CHIC1: variants seen among roughly 807,000 people sequenced by gnomAD.
CHIC1 encodes the protein cysteine rich hydrophobic domain 1, also known as cysteine-rich hydrophobic domain-containing protein 1.
CHIC1 carries 7 observed loss-of-function variants against 18.5 expected under a neutral mutation model. That is an observed-to-expected ratio of 0.38 (90% CI 0.22 to 0.71). The LOEUF is 0.71. Among genes scored for constraint, CHIC1 ranks in the 30% least tolerant of loss-of-function variants. The probability of loss-of-function intolerance (pLI) is 0.49; values close to 1 mark genes in which losing one functional copy is unlikely to be tolerated. For missense variants in CHIC1, 159 were observed against 176.9 expected, an observed-to-expected ratio of 0.90 and a Z score of 0.57; for synonymous variants, 77 against 73.5, an observed-to-expected ratio of 1.05 and a Z score of -0.25.
intron 3 of CHIC1, among the ~76,000 whole-genome samples, chrX:73,595,315 C>T (rs533282217): frequency 3.6e-5 from 4 of 110,753 alleles, no homozygotes; most frequent in Non-Finnish European, 7.6e-5. Flanking sequence ...TAATGCTATC[C>T]TTCCCCTTTA....
intron 3 of CHIC1, among the ~76,000 whole-genome samples, chrX:73,654,828 C>A (rs2057934260): frequency 8.9e-6 from 1 of 111,955 alleles, no homozygotes; most frequent in South Asian, 3.7e-4. Flanking sequence ...ATAACAGTCT[C>A]TAGTGATTCT....
intron 3 of CHIC1, among the ~76,000 whole-genome samples, chrX:73,677,456 G>T (rs1163443078): frequency 9.0e-6 from 1 of 111,622 alleles, no homozygotes; most frequent in African/African-American, 3.3e-5. Context: ...CCCTCCCCCA[G>T]CCTCACTGCC....
At chrX:73,628,440 G>A (rs1284024176) in intron 3 of CHIC1, among the ~76,000 whole-genome samples, 1 of 112,078 alleles carries the variant, frequency 8.9e-6, no homozygotes, top group East Asian at 2.8e-4. Flanking sequence ...TTGTGGCAAG[G>A]TTTGTAGAAA....
chrX:73,603,685 T>A (rs1185870013), intron 3 of CHIC1, among the ~76,000 whole-genome samples: 3 of 108,577 alleles, frequency 2.8e-5, no homozygotes, highest in African/African-American at 1.1e-4. Context: ...ATTAATACCT[T>A]GTTTATGGAG....
rs1420275039 is a variant in CHIC1 at position 73,682,159 on chromosome X, T to A, written c.*1154T>A. On this transcript the variant is annotated 3_prime_UTR_variant, in exon 6 of 6. Transcript: ENST00000373502. ...CAGCTGATTCATAATTGAAAAAAAA[T>A]TCTCAATTCTGTTTTTGATGATCCT... 1.8e-5 allele frequency: 2 copies of A among 111,376 alleles called. No individual in the cohort carries two copies. The highest frequency in any genetic ancestry group is 3.2e-5 in the African/African-American group (1 of 30,802). 9.2% of individuals were successfully genotyped at this position (111,376 alleles called of 1,213,427 possible).
At chrX:73,613,516 C>T (rs2057718694) in intron 3 of CHIC1, among the ~76,000 whole-genome samples, 1 of 111,666 alleles carries the variant, frequency 9.0e-6, no homozygotes, top group Non-Finnish European at 1.9e-5. Context: ...GTGGAAGCAA[C>T]CAGAAGCCCT....
intron 3 of CHIC1, among the ~76,000 whole-genome samples, chrX:73,617,506 G>A (rs763434088): frequency 2.2e-4 from 24 of 111,523 alleles, no homozygotes; most frequent in African/African-American, 5.2e-4. Flanking sequence ...CCCATGTTGC[G>A]AATAAAGACA....
At chrX:73,642,445 A>G in intron 3 of CHIC1, among the ~76,000 whole-genome samples, 1 of 109,716 alleles carries the variant, frequency 9.1e-6, no homozygotes, top group East Asian at 2.9e-4. Context: ...GTAGGTTGCG[A>G]AAATTTTCTC....
chrX:73,575,842 C>A (rs1472769031), intron 1 of CHIC1, among the ~76,000 whole-genome samples: 2 of 110,318 alleles, frequency 1.8e-5, no homozygotes, highest in African/African-American at 6.5e-5. Flanking sequence ...CTTACTGTAA[C>A]TTTTTAATTT....
intron 3 of CHIC1, among the ~76,000 whole-genome samples, chrX:73,655,201 G>A (rs2057935860): frequency 9.2e-6 from 1 of 108,804 alleles, no homozygotes; most frequent in African/African-American, 3.4e-5. Flanking sequence ...ATGGCCTCGA[G>A]CTCCATTCAT....
Position 73,681,208 on chromosome X carries a change from C to G in CHIC1, c.*203C>G. On this transcript the variant is annotated 3_prime_UTR_variant, in exon 6 of 6. Coordinates refer to ENST00000373502, the MANE Select transcript of CHIC1 (RefSeq NM_001039840.4). ...CAATGAGGCTTGTGTTTTGCACTCT[C>G]AATTTTAAATACACACACATGCGTG... The G allele has an allele frequency of 1.6e-5, 6 of 369,729 alleles. No individual in the cohort carries two copies. Among genetic ancestry groups the G allele is most frequent in the Middle Eastern group, 4.4e-4 (1 of 2,252 alleles). The allele number at this position is 369,729 out of a possible 1,213,427, so 30.5% of individuals were successfully genotyped here. A position where few individuals can be genotyped will look rare whatever the true frequency, so the allele number is the denominator to read the frequency against.
intron 3 of CHIC1, among the ~76,000 whole-genome samples, chrX:73,670,987 G>C (rs771101743): frequency 2.7e-5 from 3 of 112,033 alleles, no homozygotes; most frequent in Non-Finnish European, 5.6e-5. Flanking sequence ...TCCTGCAATT[G>C]TTGGATGAAA....
intron 3 of CHIC1, among the ~76,000 whole-genome samples, chrX:73,600,466 G>A (rs1357286878): frequency 1.9e-5 from 2 of 105,652 alleles, no homozygotes; most frequent in African/African-American, 7.4e-5. Context: ...TATTGGCTGT[G>A]GGTTTGTCAT....
rs869309622 is a variant in CHIC1 at position 73,658,248 on chromosome X, G to GTTTTTTTTTTT, written c.508-21057_508-21047dup. Among the ~76,000 whole-genome samples, 41 of 16,715 alleles carry GTTTTTTTTTTT rather than the reference G, an allele frequency of 2.5e-3. 6 individuals carry two copies. Among genetic ancestry groups the GTTTTTTTTTTT allele is most frequent in the Admixed American group, 5.1e-3 (4 of 792 alleles). 14.5% of individuals were successfully genotyped at this position (16,715 alleles called of 115,157 possible). On this transcript the variant is annotated intron_variant, in intron 3 of 5. Transcript: ENST00000373502. ...ATTCAGCTGTGAATCCTGGTCCTAGGTTTTTTTTTTTTTTTTTTTTTTTTT... is the reference window on the plus strand; with the variant it reads ...ATTCAGCTGTGAATCCTGGTCCTAGGTTTTTTTTTTTTTTTTTTTTTTTTTTTTTTTTTTTT...
intron 3 of CHIC1, among the ~76,000 whole-genome samples, chrX:73,603,635 G>T (rs1427011192): frequency 9.2e-6 from 1 of 108,461 alleles, no homozygotes; most frequent in Non-Finnish European, 1.9e-5. Context: ...TCTGCTGTGG[G>T]TTTGTCATAA....
At chrX:73,585,342 T>C (rs1206114586) in intron 3 of CHIC1, among the ~76,000 whole-genome samples, 3 of 111,278 alleles carry the variant, frequency 2.7e-5, no homozygotes, top group African/African-American at 9.8e-5. Flanking sequence ...ATTCTTTTCC[T>C]GCCTGGTTTA....
Position 73,681,903 on chromosome X carries a change from A to C in CHIC1, c.*898A>C, listed in dbSNP as rs1252774545. ...GTTGTCTACTCCTTCCCACAAAAAA[A>C]CTATTTGACATCTGACACATTTCAC... On this transcript the variant is annotated 3_prime_UTR_variant, in exon 6 of 6. Coordinates refer to ENST00000373502, the MANE Select transcript of CHIC1 (RefSeq NM_001039840.4). 8.9e-6 allele frequency: 1 copy of C among 112,000 alleles called. No homozygotes were observed. Among genetic ancestry groups the C allele is most frequent in the East Asian group, 2.8e-4 (1 of 3,594 alleles). 9.2% of individuals were successfully genotyped at this position (112,000 alleles called of 1,213,427 possible). A position where few individuals can be genotyped will look rare whatever the true frequency, so the allele number is the denominator to read the frequency against.
At position 73,686,441 on chromosome X, in the gene CHIC1, T is replaced by C. The variant is rs1461483127; in HGVS notation, c.*5436T>C. On this transcript the variant is annotated 3_prime_UTR_variant, in exon 6 of 6. Transcript: ENST00000373502. The stretch of plus-strand genomic sequence containing the variant: ...AGGATTACAAATGTGGAAAATGTTA[T>C]AATGTCATATTCTAGCATTGGACTA... 8.9e-6 allele frequency: 1 copy of C among 111,902 alleles called. No homozygotes were observed. The highest frequency in any genetic ancestry group is 1.9e-5 in the Non-Finnish European group (1 of 53,020). The allele number at this position is 111,902 out of a possible 1,213,427, so 9.2% of individuals were successfully genotyped here.
At chrX:73,603,190 G>T (rs1902962012) in intron 3 of CHIC1, among the ~76,000 whole-genome samples, 1 of 108,203 alleles carries the variant, frequency 9.2e-6, no homozygotes, top group Non-Finnish European at 1.9e-5. Context: ...TTGAGCAGTG[G>T]TTTGTAGTTC....
Sources: allele counts gnomAD v4.1 joint callset (sites outside exome capture counted in the v4.1 genomes callset), GRCh38; gene constraint gnomAD v4.1.1; transcripts MANE v1.5; gene names NCBI Gene and HGNC (gene_info 2026-07-23, HGNC 2026-07-21).